NRG1: variants seen among roughly 807,000 people sequenced by gnomAD.
The protein encoded by NRG1 is neuregulin 1, also known as pro-neuregulin-1, membrane-bound isoform.
A neutral mutation model predicts 63.8 loss-of-function variants in NRG1; 18 were observed. The observed-to-expected ratio is 0.28, with a 90% CI of 0.19 to 0.42. The LOEUF is 0.42. NRG1 is among the 10% of genes least tolerant of loss of function. The pLI, the probability that NRG1 is intolerant of heterozygous loss-of-function variation, is 1.00. For missense variants in NRG1, 762 were observed against 814.7 expected, an observed-to-expected ratio of 0.94 and a Z score of 0.79; for synonymous variants, 302 against 301.3, an observed-to-expected ratio of 1.00 and a Z score of -0.02.
intron 1 of NRG1, among the ~76,000 whole-genome samples, chr8:31,993,238 T>C (rs748683079): frequency 1.3e-5 from 2 of 151,958 alleles, no homozygotes; most frequent in Non-Finnish European, 2.9e-5. Flanking sequence ...AGTGGGGAGC[T>C]CTGGGGCCAG....
At chr8:32,720,015 G>GT (rs1003287769) in intron 5 of NRG1, among the ~76,000 whole-genome samples, 1 of 150,970 alleles carries the variant, frequency 6.6e-6, no homozygotes, top group Non-Finnish European at 1.5e-5. Flanking sequence ...GTGCCATGAT[G>GT]TTTTTTTTTA....
chr8:32,210,578 G>A (rs564326743), intron 1 of NRG1, among the ~76,000 whole-genome samples: 2 of 152,202 alleles, frequency 1.3e-5, no homozygotes, highest in South Asian at 4.1e-4. Flanking sequence ...CTACAGCCAC[G>A]GTACAACCAG....
intron 1 of NRG1, among the ~76,000 whole-genome samples, chr8:31,652,854 C>A (rs1052333826): frequency 2.6e-5 from 4 of 151,796 alleles, no homozygotes; most frequent in Admixed American, 1.3e-4. Flanking sequence ...TTTGCTTTTC[C>A]TTTTCTTTTC....
At chr8:32,039,641 A>G (rs1819616416) in intron 1 of NRG1, among the ~76,000 whole-genome samples, 2 of 152,226 alleles carry the variant, frequency 1.3e-5, no homozygotes, top group African/African-American at 4.8e-5. Context: ...TTAAGAAAGT[A>G]ATTGAATTTA....
intron 1 of NRG1, among the ~76,000 whole-genome samples, chr8:32,425,907 T>C (rs570098797): frequency 2.6e-5 from 4 of 152,130 alleles, no homozygotes; most frequent in Admixed American, 6.6e-5. Context: ...GAATACAGAA[T>C]ACGTCCTTTG....
chr8:32,452,663 A>G (rs974352909), intron 1 of NRG1, among the ~76,000 whole-genome samples: 1 of 144,778 alleles, frequency 6.9e-6, no homozygotes, highest in East Asian at 2.2e-4. Flanking sequence ...GTTTCAAAAG[A>G]TAGATCTGAT....
chr8:32,586,996 T>A (rs1841733632), intron 1 of NRG1, among the ~76,000 whole-genome samples: 1 of 152,090 alleles, frequency 6.6e-6, no homozygotes, highest in Admixed American at 6.6e-5. Flanking sequence ...TGAAGAGGAT[T>A]GCTTGAAGTG....
At chr8:32,525,251 T>C (rs1339734001) in intron 1 of NRG1, among the ~76,000 whole-genome samples, 1 of 152,178 alleles carries the variant, frequency 6.6e-6, no homozygotes, top group Non-Finnish European at 1.5e-5. Context: ...TCCTCCTTGA[T>C]GGAGGCTGCA....
intron 1 of NRG1, among the ~76,000 whole-genome samples, chr8:31,673,468 A>G (rs1294833865): frequency 6.6e-6 from 1 of 152,150 alleles, no homozygotes; most frequent in Non-Finnish European, 1.5e-5. Context: ...CACTTTGTTA[A>G]TGGTAGCTAC....
intron 1 of NRG1, among the ~76,000 whole-genome samples, chr8:31,792,432 AAAG>A (rs1261051327): frequency 1.3e-5 from 2 of 152,238 alleles, no homozygotes; most frequent in African/African-American, 4.8e-5. Context: ...GAACAGAAAA[AAAG>A]AAATCAGAAT....
At chr8:32,430,204 A>G (rs1211303441) in intron 1 of NRG1, among the ~76,000 whole-genome samples, 2 of 152,198 alleles carry the variant, frequency 1.3e-5, no homozygotes, top group Non-Finnish European at 2.9e-5. Flanking sequence ...CCCATTCCAC[A>G]CGAATTCTCT....
At chr8:32,314,372 A>G (rs1015605389) in intron 1 of NRG1, among the ~76,000 whole-genome samples, 1 of 152,186 alleles carries the variant, frequency 6.6e-6, no homozygotes, top group Middle Eastern at 3.2e-3. Context: ...CAGCTAGAAA[A>G]GTCTATGCTT....
chr8:32,304,021 C>T (rs544175369), intron 1 of NRG1, among the ~76,000 whole-genome samples: 2 of 152,230 alleles, frequency 1.3e-5, no homozygotes, highest in East Asian at 3.9e-4. Flanking sequence ...GTAATGTTGA[C>T]TACAAAAAAA....
At chr8:32,330,392 GAATTAGGA>G (rs1802508001) in intron 1 of NRG1, among the ~76,000 whole-genome samples, 1 of 152,180 alleles carries the variant, frequency 6.6e-6, no homozygotes, top group East Asian at 1.9e-4. Context: ...TGCCTTAGAT[GAATTAGGA>G]AACAGTTTCT....
intron 1 of NRG1, among the ~76,000 whole-genome samples, chr8:31,971,789 G>A (rs1046382499): frequency 9.9e-5 from 15 of 151,222 alleles, no homozygotes; most frequent in Admixed American, 2.6e-4. Context: ...TTCTTTCATC[G>A]CCCCTGAAAC....
At chr8:32,444,280 G>A (rs908077931) in intron 1 of NRG1, among the ~76,000 whole-genome samples, 4 of 151,814 alleles carry the variant, frequency 2.6e-5, no homozygotes, top group Admixed American at 6.6e-5. Flanking sequence ...CTCCATGTGC[G>A]GTTAATTGTA....
intron 1 of NRG1, among the ~76,000 whole-genome samples, chr8:32,563,752 C>T (rs1437084245): frequency 6.6e-6 from 1 of 152,046 alleles, no homozygotes; most frequent in East Asian, 1.9e-4. Flanking sequence ...CTGATACTTC[C>T]ATTTTGGATA....
chr8:32,391,873 T>C (rs1264307514), intron 1 of NRG1, among the ~76,000 whole-genome samples: 1 of 152,210 alleles, frequency 6.6e-6, no homozygotes, highest in Non-Finnish European at 1.5e-5. Flanking sequence ...GGATGTACTT[T>C]TCTCGAGTCC....
intron 1 of NRG1, among the ~76,000 whole-genome samples, chr8:32,190,958 T>A (rs969834740): frequency 6.6e-6 from 1 of 152,186 alleles, no homozygotes; most frequent in African/African-American, 2.4e-5. Context: ...TAAAGACATG[T>A]TTTTTATACT....
Sources: allele counts gnomAD v4.1 joint callset (sites outside exome capture counted in the v4.1 genomes callset), GRCh38; gene constraint gnomAD v4.1.1; transcripts MANE v1.5; gene names NCBI Gene and HGNC (gene_info 2026-07-23, HGNC 2026-07-21).